CDS1: variants seen among roughly 807,000 people sequenced by gnomAD.
CDS1 encodes CDP-diacylglycerol synthase 1.
Under a neutral mutation model 62.1 loss-of-function variants are expected in CDS1, and 41 were observed. The observed-to-expected ratio is 0.66, with a 90% CI of 0.51 to 0.86. The LOEUF (loss-of-function observed/expected upper bound fraction) is 0.86, where lower values mean the gene tolerates loss of function less well. Ranked by LOEUF, CDS1 falls within the 40% of genes least tolerant of loss-of-function variation. The probability of loss-of-function intolerance (pLI) is 0.00; values close to 1 mark genes in which losing one functional copy is unlikely to be tolerated. For missense variants in CDS1, 470 were observed against 550.1 expected (o/e 0.85, Z 1.46); for synonymous variants, 185 against 192.6 (o/e 0.96, Z 0.32).
chr4:84,613,420 C>T (rs1046483290), intron 3 of CDS1, among the ~76,000 whole-genome samples: 2 of 152,172 alleles, frequency 1.3e-5, no homozygotes, highest in Admixed American at 6.5e-5. Context: ...ACCAGCCTGG[C>T]CAACATGGTG....
Position 84,583,347 on chromosome 4 carries a change from C to T in CDS1, c.-55C>T. 1.5e-6 allele frequency: 2 copies of T among 1,322,978 alleles called. No individual in the cohort carries two copies. The highest frequency in any genetic ancestry group is 1.1e-6 in the Non-Finnish European group (1 of 928,640). The allele number at this position is 1,322,978 out of a possible 1,614,324, so 82.0% of individuals were successfully genotyped here. ...CGCCCCGCCTGCAGAACCCTGCTTGCAGCTCAGGTTTCGGGGTGCTTGAGG... is the reference window on the plus strand; with the variant it reads ...CGCCCCGCCTGCAGAACCCTGCTTGTAGCTCAGGTTTCGGGGTGCTTGAGG... On this transcript the variant is annotated 5_prime_UTR_variant, in exon 1 of 13. Coordinates refer to ENST00000295887, the MANE Select transcript of CDS1 (RefSeq NM_001263.4).
intron 5 of CDS1, among the ~76,000 whole-genome samples, chr4:84,620,024 A>T (rs1358486631): frequency 2.6e-5 from 1 of 38,942 alleles, no homozygotes; most frequent in Admixed American, 3.1e-4. Flanking sequence ...ACTCTTATCT[A>T]AAAAAAAAAA....
intron 5 of CDS1, among the ~76,000 whole-genome samples, chr4:84,631,076 C>T (rs1724005070): frequency 6.6e-6 from 1 of 152,012 alleles, no homozygotes; most frequent in Non-Finnish European, 1.5e-5. Flanking sequence ...GTTTGTAAAT[C>T]TTTACATTAT....
Position 84,609,427 on chromosome 4 carries a change from A to T in CDS1, c.246-2A>T. Reference sequence around the variant, plus strand: ...AATACTAACTTTACATTTTCTTTGTAGGTGGAAAAACTGGTGGATACGTGG... The same window carrying T: ...AATACTAACTTTACATTTTCTTTGTTGGTGGAAAAACTGGTGGATACGTGG... On this transcript the variant is annotated splice_acceptor_variant, in intron 2 of 12. Transcript: ENST00000295887. LOFTEE classifies it high-confidence loss of function. 1 of 1,583,462 alleles carries T rather than the reference A, an allele frequency of 6.3e-7. No individual in the cohort carries two copies. Among genetic ancestry groups the T allele is most frequent in the Non-Finnish European group, 8.7e-7 (1 of 1,153,120 alleles).
rs1724358057 is a variant in CDS1, at chr4:84,640,846, T to G, written c.888T>G (p.Tyr296Ter). 1 of 1,586,866 alleles carries G rather than the reference T, an allele frequency of 6.3e-7. No homozygotes were observed. Among genetic ancestry groups the G allele is most frequent in the Non-Finnish European group, 8.6e-7 (1 of 1,168,084 alleles). ...STVVFGFIAAYVLSKYQYFVC... is the reference protein window; with the variant it reads ...STVVFGFIAA ...TTTGTTTTTAATATCAGGCTGCCTA[T>G]GTGTTATCCAAATACCAGTACTTTG... The change falls in exon 10 of 13, where the codon TAT (tyrosine) becomes TAG (stop). Residue 296 changes from tyrosine to a stop codon, truncating the protein, a stop_gained. Transcript: ENST00000295887. LOFTEE classifies it high-confidence loss of function.
At chr4:84,636,503 G>T (rs1365792123) in intron 8 of CDS1, among the ~76,000 whole-genome samples, 1 of 152,060 alleles carries the variant, frequency 6.6e-6, no homozygotes, top group African/African-American at 2.4e-5. Flanking sequence ...TCTTCTAAAA[G>T]AGCTCTTCTT....
At chr4:84,585,647 C>T (rs990954516) in intron 1 of CDS1, among the ~76,000 whole-genome samples, 7 of 152,320 alleles carry the variant, frequency 4.6e-5, no homozygotes, top group Middle Eastern at 3.4e-3. Flanking sequence ...TATTATAATA[C>T]ACTCCCATGC....
rs1724659499 is a variant in CDS1, at chr4:84,649,453, AG to A, written c.*769del. The A allele has an allele frequency of 6.6e-6, 1 of 152,456 alleles. No individual in the cohort carries two copies. Among genetic ancestry groups the A allele is most frequent in the Non-Finnish European group, 1.5e-5 (1 of 68,114 alleles). The allele number at this position is 152,456 out of a possible 1,614,324, so 9.4% of individuals were successfully genotyped here. On this transcript the variant is annotated 3_prime_UTR_variant, in exon 13 of 13. Coordinates refer to ENST00000295887, the MANE Select transcript of CDS1 (RefSeq NM_001263.4). ...GATCCTCCGCATATTATCTCAACAGAGGACAGTAGCTCAGGAGGCAGCTTCA... is the reference window on the plus strand; with the variant it reads ...GATCCTCCGCATATTATCTCAACAGAGACAGTAGCTCAGGAGGCAGCTTCA...
chr4:84,609,283 G>T (rs2110052052), intron 2 of CDS1, 146 bp from the exon 3 acceptor site: 9 of 484,930 alleles, frequency 1.9e-5, no homozygotes, highest in South Asian at 7.7e-5. Context: ...AATGCTGTTT[G>T]TTTTTTGTTT....
At chr4:84,640,012 A>C (rs1724329279) in intron 9 of CDS1, among the ~76,000 whole-genome samples, 1 of 151,356 alleles carries the variant, frequency 6.6e-6, no homozygotes, top group Non-Finnish European at 1.5e-5. Context: ...TCAAAGACTA[A>C]CTTGAAAATA....
rs1724677292 is a variant in CDS1 at position 84,649,817 on chromosome 4, C to G, written c.*1131C>G. ...GGATATCAGCTGATTATTTTTTCTT[C>G]CAAGAATGAAAATCAAGCAGAATTG... On this transcript the variant is annotated 3_prime_UTR_variant, in exon 13 of 13. Transcript: ENST00000295887. 1.3e-5 allele frequency: 2 copies of G among 151,994 alleles called. No homozygotes were observed. The highest frequency in any genetic ancestry group is 2.9e-5 in the Non-Finnish European group (2 of 67,976). The allele number at this position is 151,994 out of a possible 1,614,324, so 9.4% of individuals were successfully genotyped here. A position where few individuals can be genotyped will look rare whatever the true frequency, so the allele number is the denominator to read the frequency against.
intron 5 of CDS1, among the ~76,000 whole-genome samples, chr4:84,619,862 G>A (rs371160463): frequency 3.1e-4 from 45 of 146,506 alleles, no homozygotes; most frequent in South Asian, 1.9e-3. Context: ...AAGAAAGTCC[G>A]TCTCTACTAA....
chr4:84,587,584 T>C (rs537749333), intron 1 of CDS1, among the ~76,000 whole-genome samples: 4 of 152,202 alleles, frequency 2.6e-5, no homozygotes, highest in East Asian at 3.9e-4. Flanking sequence ...GAAGATCTAA[T>C]GGGTTGAGTG....
chr4:84,589,013 T>C (rs759244874), intron 1 of CDS1, among the ~76,000 whole-genome samples: 2 of 152,192 alleles, frequency 1.3e-5, no homozygotes, highest in Non-Finnish European at 2.9e-5. Context: ...GGAATGACCA[T>C]GGGCAGCTTG....
In CDS1 at chr4:84,619,460, T is replaced by A; in HGVS notation, c.507T>A (p.Phe169Leu). Residue 169 changes from phenylalanine (F) to leucine (L), a missense_variant, in exon 5 of 13, where the codon TTT becomes TTA. Physicochemically the swap from Phe to Leu is conservative, Grantham distance 22. Coordinates refer to ENST00000295887, the MANE Select transcript of CDS1 (RefSeq NM_001263.4). ...CTGTAGCTGATTATTTTGCTACATT[T>A]GTTCAAAGAGAAGAACAACTTCAGT... ...GETVADYFAT[F>L]VQREEQLQFL... 1 of 1,597,302 alleles carries A rather than the reference T, an allele frequency of 6.3e-7. No homozygotes were observed. Among genetic ancestry groups the A allele is most frequent in the Non-Finnish European group, 8.6e-7 (1 of 1,166,268 alleles).
intron 7 of CDS1, among the ~76,000 whole-genome samples, chr4:84,634,284 A>G (rs1724111841): frequency 6.6e-6 from 1 of 152,102 alleles, no homozygotes; most frequent in Non-Finnish European, 1.5e-5. Flanking sequence ...ATAGAATGCA[A>G]AAAAATATAA....
intron 3 of CDS1, among the ~76,000 whole-genome samples, chr4:84,610,990 G>T (rs1723302711): frequency 6.6e-6 from 1 of 152,190 alleles, no homozygotes; most frequent in African/African-American, 2.4e-5. Context: ...TTGAGAAAAA[G>T]AATAATACTA....
rs1462125976 is a variant in CDS1 at position 84,619,434 on chromosome 4, A to G, written c.481A>G (p.Thr161Ala). The G allele has an allele frequency of 6.3e-7, 1 of 1,578,656 alleles. No individual in the cohort carries two copies. Among genetic ancestry groups the G allele is most frequent in the Non-Finnish European group, 8.7e-7 (1 of 1,150,466 alleles). Residue 161 changes from threonine (T) to alanine (A), a missense_variant, in exon 5 of 13, where the codon ACT becomes GCT. Thr to Ala is a moderately conservative substitution (Grantham distance 58, BLOSUM62 0). This residue lies in a region of CDS1 where 34 missense variants were observed against 64.8 expected (regional missense o/e 0.52). Transcript: ENST00000295887. The stretch of plus-strand genomic sequence containing the variant: ...TGTAAACTACTTTTTCTATGGAGAG[A>G]CTGTAGCTGATTATTTTGCTACATT... Reference protein sequence around the residue: ...LCVNYFFYGETVADYFATFVQ... With the variant: ...LCVNYFFYGEAVADYFATFVQ...
chr4:84,592,416 A>G (rs1417129905), intron 1 of CDS1, among the ~76,000 whole-genome samples: 1 of 151,914 alleles, frequency 6.6e-6, no homozygotes, highest in Non-Finnish European at 1.5e-5. Context: ...CAAGTAATCC[A>G]CCTGTCTTGG....
Sources: gnomAD v4.1 joint callset for allele counts (sites outside exome capture counted in the v4.1 genomes callset) on GRCh38, gnomAD v4.1.1 for gene constraint, gnomAD v4.1.1 regional missense constraint, MANE v1.5 for transcripts, NCBI Gene and HGNC (gene_info 2026-07-23, HGNC 2026-07-21) for gene names.